The following REV1 variants were observed in gnomAD, a reference collection of about 807,000 sequenced individuals.
REV1 encodes REV1 DNA directed polymerase, also known as translesion synthesis protein REV1.
Under a neutral mutation model 137.4 loss-of-function variants are expected in REV1, and 42 were observed. The observed-to-expected ratio is 0.31, with a 90% CI of 0.24 to 0.40. The LOEUF (loss-of-function observed/expected upper bound fraction) is 0.40. REV1 is among the 10% of genes least tolerant of loss of function. The pLI is 1.00. For synonymous variants in REV1, 524 were observed against 519.2 expected (o/e 1.01, Z -0.12); for missense variants, 1,282 against 1,490.1 (o/e 0.86, Z 2.30).
intron 1 of REV1, among the ~76,000 whole-genome samples, chr2:99,473,208 CA>C (rs753461178): frequency 1.3e-5 from 2 of 150,882 alleles, no homozygotes; most frequent in South Asian, 2.1e-4. Context: ...TCCAAAAATC[CA>C]AAAAAAATAT....
intron 11 of REV1, among the ~76,000 whole-genome samples, chr2:99,420,896 G>A (rs1277296574): frequency 6.6e-6 from 1 of 152,196 alleles, no homozygotes; most frequent in Non-Finnish European, 1.5e-5. Flanking sequence ...TAATGAGTGG[G>A]TTAAGAAAGG....
chr2:99,407,122 CTG>C (rs1676436310), intron 15 of REV1, among the ~76,000 whole-genome samples: 1 of 100,922 alleles, frequency 9.9e-6, no homozygotes, highest in South Asian at 3.3e-4. Context: ...CAGAGCCTCA[CTG>C]TGTCACTCAG....
chr2:99,456,859 GAACA>G (rs1418922855), intron 3 of REV1, among the ~76,000 whole-genome samples: 2 of 152,150 alleles, frequency 1.3e-5, no homozygotes, highest in Non-Finnish European at 2.9e-5. Flanking sequence ...AGAGGCAAAA[GAACA>G]AACAGAAACA....
At chr2:99,489,403 T>C (rs1302865550) in intron 1 of REV1, among the ~76,000 whole-genome samples, 1 of 151,822 alleles carries the variant, frequency 6.6e-6, no homozygotes, top group Non-Finnish European at 1.5e-5. Context: ...GGCGCGGAAC[T>C]GAATGGCCGG....
intron 14 of REV1, chr2:99,408,542 T>C (rs1294367946): frequency 1.3e-5 from 2 of 153,690 alleles, no homozygotes; most frequent in African/African-American, 2.4e-5. Context: ...TGCTGAGGTA[T>C]AGCAAATATT....
chr2:99,479,340 A>AC (rs1485267688), intron 1 of REV1, among the ~76,000 whole-genome samples: 1 of 151,436 alleles, frequency 6.6e-6, no homozygotes, highest in Admixed American at 6.6e-5. Context: ...AAAAAAAAAA[A>AC]AAAACAAAAA....
intron 3 of REV1, among the ~76,000 whole-genome samples, chr2:99,454,550 CAAAAAAAAAAAAAAAAAAAAAAAAAAAA>C (rs373850478): frequency 1.2e-5 from 1 of 82,346 alleles, no homozygotes; most frequent in Non-Finnish European, 2.3e-5. Flanking sequence ...AACTCCAGCT[CAAAAAAAAAAAAAAAAAAAAAAAAAAAA>C]AAAAAAAAAA....
Position 99,402,237 on chromosome 2 carries a change from T to G in REV1, c.3644+7A>C. 1 of 1,148,170 alleles carries G rather than the reference T, an allele frequency of 8.7e-7. No individual in the cohort carries two copies. Among genetic ancestry groups the G allele is most frequent in the Non-Finnish European group, 1.3e-6 (1 of 785,064 alleles). The allele number at this position is 1,148,170 out of a possible 1,614,324, so 71.1% of individuals were successfully genotyped here. ...TTTCCCATTTGATAAAAGTGATGAA[T>G]TACTACCTTTTCATGTATTTTATAA... is the stretch of plus-strand genomic sequence containing the variant. On this transcript the variant is annotated splice_region_variant and intron_variant, in intron 22 of 22. Transcript: ENST00000258428.
rs373551520 is a variant in REV1 at position 99,438,589 on chromosome 2, A to G, written c.1213+12T>C. On this transcript the variant is annotated intron_variant, in intron 6 of 22. Coordinates refer to ENST00000258428, the MANE Select transcript of REV1 (RefSeq NM_016316.4). Reference sequence around the variant, plus strand: ...ACTGTTTCTTAAGAAGACAATTTTAATAAGTATCTACCTGTGTCAGTTACA... The same window carrying G: ...ACTGTTTCTTAAGAAGACAATTTTAGTAAGTATCTACCTGTGTCAGTTACA... The G allele has an allele frequency of 2.0e-5, 31 of 1,586,496 alleles. No individual in the cohort carries two copies. The highest frequency in any genetic ancestry group is 3.4e-5 in the Admixed American group (2 of 59,472).
Position 99,403,710 on chromosome 2 carries a change from A to G in REV1, c.3151T>C (p.Ser1051Pro). The change falls in exon 19 of 23, where the codon TCA becomes CCA. Residue 1051 changes from serine to proline, a missense_variant. Transcript: ENST00000258428. ...CAAGGCTCACCAGATGCGCTGGCTGACTGCTGGTGAGTGCTGTTCTCGCCC... is the reference window on the plus strand; with the variant it reads ...CAAGGCTCACCAGATGCGCTGGCTGGCTGCTGGTGAGTGCTGTTCTCGCCC... ...RQGENSTHQQ[S>P]ASASVPKNPL... 6.2e-7 allele frequency: 1 copy of G among 1,614,142 alleles called. No individual in the cohort carries two copies. The highest frequency in any genetic ancestry group is 1.7e-5 in the Admixed American group (1 of 60,028).
At chr2:99,474,921 G>C (rs1203479920) in intron 1 of REV1, among the ~76,000 whole-genome samples, 1 of 150,790 alleles carries the variant, frequency 6.6e-6, no homozygotes, top group Non-Finnish European at 1.5e-5. Flanking sequence ...AAAAAAAAAA[G>C]AAGTAGAGAT....
Position 99,425,671 on chromosome 2 carries a change from A to C in REV1, c.1548-1391T>G, listed in dbSNP as rs184588896. 2.0e-5 allele frequency among the ~76,000 whole-genome samples: 3 copies of C among 152,384 alleles called. No homozygotes were observed. The East Asian group carries it at 5.8e-4, about 29-fold the overall frequency. Reference sequence around the variant, plus strand: ...TTGAAAAGGGTAAATTTCAGGTAATAATTATGCCAGATATATAGATTCAGC... The same window carrying C: ...TTGAAAAGGGTAAATTTCAGGTAATCATTATGCCAGATATATAGATTCAGC... On this transcript the variant is annotated intron_variant, in intron 9 of 22. Transcript: ENST00000258428.
chr2:99,483,300 G>A (rs575314972), intron 1 of REV1, among the ~76,000 whole-genome samples: 106 of 152,276 alleles, frequency 7.0e-4, no homozygotes, highest in South Asian at 4.1e-4. Context: ...CCTAGAAATA[G>A]CAAATGTAGA....
At chr2:99,477,480 C>T (rs888774393) in intron 1 of REV1, among the ~76,000 whole-genome samples, 1 of 152,174 alleles carries the variant, frequency 6.6e-6, no homozygotes, top group Non-Finnish European at 1.5e-5. Flanking sequence ...TGGACTATTA[C>T]AGGAGAAAGA....
intron 10 of REV1, 111 bp downstream of exon 10, chr2:99,424,040 TA>T: frequency 8.4e-7 from 1 of 1,186,810 alleles, no homozygotes; most frequent in Non-Finnish European, 1.2e-6. Flanking sequence ...TCCTGGAAGA[TA>T]AAATTCTAAC....
At chr2:99,411,693 G>A (rs1422489877) in intron 13 of REV1, among the ~76,000 whole-genome samples, 1 of 150,960 alleles carries the variant, frequency 6.6e-6, no homozygotes, top group Non-Finnish European at 1.5e-5. Context: ...ACAGGTGTGA[G>A]CCACCGCATA....
intron 3 of REV1, among the ~76,000 whole-genome samples, chr2:99,458,376 T>C (rs1683766750): frequency 6.6e-6 from 1 of 152,080 alleles, no homozygotes; most frequent in Non-Finnish European, 1.5e-5. Flanking sequence ...CAAATGCAAA[T>C]TAAAATCACA....
intron 1 of REV1, among the ~76,000 whole-genome samples, chr2:99,481,554 G>T (rs534856715): frequency 1.2e-4 from 18 of 152,214 alleles, no homozygotes; most frequent in African/African-American, 3.9e-4. Context: ...CACTTCTTTA[G>T]CCAGCATTGT....
Position 99,412,486 on chromosome 2 carries a change from T to A in REV1, c.2172+245A>T, listed in dbSNP as rs543262237. The stretch of plus-strand genomic sequence containing the variant: ...ATAATTATAATCTCAAGTTCTCTAA[T>A]AACTGGCCTCCAAAGCATAATCTTT... On this transcript the variant is annotated intron_variant, in intron 13 of 22. Coordinates refer to ENST00000258428, the MANE Select transcript of REV1 (RefSeq NM_016316.4). 2.6e-5 allele frequency among the ~76,000 whole-genome samples: 4 copies of A among 152,298 alleles called. No individual in the cohort carries two copies. In the East Asian group the frequency reaches 7.7e-4, roughly 29 times the overall value.
Sources: allele counts gnomAD v4.1 joint callset (sites outside exome capture counted in the v4.1 genomes callset), GRCh38; gene constraint gnomAD v4.1.1; transcripts MANE v1.5; gene names NCBI Gene and HGNC (gene_info 2026-07-23, HGNC 2026-07-21).